The following EEA1 variants were observed in gnomAD, a reference collection of about 807,000 sequenced individuals.
EEA1 encodes early endosome antigen 1.
In EEA1, 111 loss-of-function variants were observed where a neutral mutation model predicts 209.2. The ratio of observed to expected loss-of-function variants is 0.53; its 90% CI spans 0.45 to 0.62. The LOEUF (loss-of-function observed/expected upper bound fraction) is 0.62. Among genes scored for constraint, EEA1 ranks in the 20% least tolerant of loss-of-function variants. The pLI is 0.00. For missense variants in EEA1, 1,343 were observed against 1,530.8 expected (o/e 0.88, Z 2.05); for synonymous variants, 536 against 540.6 (o/e 0.99, Z 0.12).
At chr12:92,912,053 T>C (rs1310409281) in intron 1 of EEA1, among the ~76,000 whole-genome samples, 2 of 152,210 alleles carry the variant, frequency 1.3e-5, no homozygotes, top group African/African-American at 2.4e-5. Context: ...TTAATATATG[T>C]AGAAGCAATG....
At chr12:92,792,275 G>A (rs987527386) in intron 21 of EEA1, among the ~76,000 whole-genome samples, 1 of 152,030 alleles carries the variant, frequency 6.6e-6, no homozygotes, top group African/African-American at 2.4e-5. Context: ...ACTAAGATCA[G>A]AGCAGAAATG....
At position 92,787,986 on chromosome 12, in the gene EEA1, T is replaced by C; in HGVS notation, c.3031A>G (p.Lys1011Glu). 6.2e-7 allele frequency: 1 copy of C among 1,613,112 alleles called. No homozygotes were observed. The highest frequency in any genetic ancestry group is 8.5e-7 in the Non-Finnish European group (1 of 1,179,544). ...TTTTGTAATACTGATATTTTCTCTTTCTCTGCTGCAAGTTCCTGGGCTGCC... is the reference window on the plus strand; with the variant it reads ...TTTTGTAATACTGATATTTTCTCTTCCTCTGCTGCAAGTTCCTGGGCTGCC... The part of the protein sequence containing the change: ...TQAAQELAAE[K>E]EKISVLQNNY... Residue 1011 changes from lysine to glutamate, a missense_variant, in exon 22 of 29, where the codon AAA becomes GAA. By Grantham distance (56) the Lys-to-Glu change is moderately conservative (BLOSUM62 1). Coordinates refer to ENST00000322349, the MANE Select transcript of EEA1 (RefSeq NM_003566.4).
chr12:92,925,436 G>A (rs968019318), intron 1 of EEA1, among the ~76,000 whole-genome samples: 3 of 152,066 alleles, frequency 2.0e-5, no homozygotes, highest in African/African-American at 4.8e-5. Context: ...AGCTGGTCTC[G>A]AACTCCTGAT....
At chr12:92,806,133 A>AT (rs1217790847) in intron 18 of EEA1, among the ~76,000 whole-genome samples, 9 of 152,326 alleles carry the variant, frequency 5.9e-5, no homozygotes, top group African/African-American at 2.2e-4. Flanking sequence ...TTTAAAAGCT[A>AT]TTAAAAAAAA....
intron 11 of EEA1, among the ~76,000 whole-genome samples, chr12:92,831,945 G>T (rs1226688682): frequency 6.6e-6 from 1 of 150,572 alleles, no homozygotes; most frequent in South Asian, 2.1e-4. Flanking sequence ...AAATTAGCCG[G>T]GCGCGGTGGC....
chr12:92,917,398 G>A (rs367667915), intron 1 of EEA1, among the ~76,000 whole-genome samples: 5,351 of 146,456 alleles, frequency 0.037, 116 homozygotes, highest in Middle Eastern at 0.091. Flanking sequence ...CGGATCTCTC[G>A]GCAGAAACCC....
In EEA1 at chr12:92,773,090, G is replaced by C. The variant is rs1176534244; in HGVS notation, c.*2921C>G. The C allele has an allele frequency of 6.6e-6, 1 of 152,014 alleles. No individual in the cohort carries two copies. The highest frequency in any genetic ancestry group is 1.5e-5 in the Non-Finnish European group (1 of 67,670). The allele number at this position is 152,014 out of a possible 1,614,324, so 9.4% of individuals were successfully genotyped here. The stretch of plus-strand genomic sequence containing the variant: ...GCTCATGTCTAGGAATACTATAATG[G>C]TGGCACATTTAAATCTTATGGATCA... On this transcript the variant is annotated 3_prime_UTR_variant, in exon 29 of 29. Transcript: ENST00000322349.
At chr12:92,780,711 T>C (rs897722488) in intron 23 of EEA1, among the ~76,000 whole-genome samples, 1 of 152,232 alleles carries the variant, frequency 6.6e-6, no homozygotes, top group African/African-American at 2.4e-5. Flanking sequence ...ATTTTATTAC[T>C]ATCACTATCT....
At chr12:92,879,201 AT>A (rs34766702) in intron 2 of EEA1, 9,200 of 232,888 alleles carry the variant, frequency 0.04, 1 homozygote, top group Non-Finnish European at 0.052. Flanking sequence ...TGGATTCTGG[AT>A]TTTTTTTTTT....
At chr12:92,902,480 C>A (rs748339794) in intron 1 of EEA1, among the ~76,000 whole-genome samples, 1 of 152,260 alleles carries the variant, frequency 6.6e-6, no homozygotes, top group South Asian at 2.1e-4. Context: ...CGATGGCTCA[C>A]GCCTGTAATC....
chr12:92,906,584 G>A (rs1047701824), intron 1 of EEA1, among the ~76,000 whole-genome samples: 2 of 152,120 alleles, frequency 1.3e-5, no homozygotes, highest in South Asian at 2.1e-4. Flanking sequence ...AGGCCGAGGC[G>A]GGCGGATCAC....
At position 92,819,472 on chromosome 12, in the gene EEA1, C is replaced by T; in HGVS notation, c.1564G>A (p.Asp522Asn). ...EQVLRQIGDK[D>N]QKIQNLEALL... ...GCTTCAAGGTTCTGGATCTTTTGGT[C>T]CTTATCGCCAATTTGACGTAGAACT... The change falls in exon 14 of 29, where the codon GAC becomes AAC. Residue 522 changes from aspartate (D) to asparagine (N), a missense_variant. By Grantham distance (23) the Asp-to-Asn change is conservative. Around this residue, in one of 3 missense-constraint regions of EEA1, gnomAD observed 1,307 missense variants for 1,465.5 expected, o/e 0.89. Coordinates refer to ENST00000322349, the MANE Select transcript of EEA1 (RefSeq NM_003566.4). The T allele has an allele frequency of 6.2e-7, 1 of 1,607,678 alleles. No homozygotes were observed. The highest frequency in any genetic ancestry group is 8.5e-7 in the Non-Finnish European group (1 of 1,177,588).
intron 21 of EEA1, among the ~76,000 whole-genome samples, chr12:92,790,275 G>A (rs1419022425): frequency 1.3e-5 from 2 of 152,212 alleles, no homozygotes; most frequent in Non-Finnish European, 2.9e-5. Context: ...GCTGGATGGA[G>A]AATAACTTTG....
In EEA1 at chr12:92,929,265, G is replaced by C; in HGVS notation, c.-199C>G. 1 of 408,336 alleles carries C rather than the reference G, an allele frequency of 2.4e-6. No homozygotes were observed. The allele number at this position is 408,336 out of a possible 1,614,324, so 25.3% of individuals were successfully genotyped here. On this transcript the variant is annotated 5_prime_UTR_variant, in exon 1 of 29. Coordinates refer to ENST00000322349, the MANE Select transcript of EEA1 (RefSeq NM_003566.4). ...AGAGGGAGCACGCGAGAGAGAGCGA[G>C]CGAACGACTAGGCAGCCTGCGAGCG...
At chr12:92,848,722 C>A (rs1435056893) in intron 9 of EEA1, among the ~76,000 whole-genome samples, 1 of 64,548 alleles carries the variant, frequency 1.5e-5, no homozygotes, top group South Asian at 8.1e-4. Context: ...ATATTCTCAC[C>A]TTTTTTTTTT....
At position 92,780,316 on chromosome 12, in the gene EEA1, G is replaced by A. The variant is rs139217230; in HGVS notation, c.3432C>T (p.Asn1144=). ...CTAGTTTGTGGGACTTGAGTTCTTC[G>A]TTTAGTTTAGTGATTTCTTTTTCTT... ...CRQEKEITKL[N]EELKSHKLES... Residue 1144 remains asparagine (N), a synonymous_variant, in exon 24 of 29, where the codon AAC becomes AAT. Transcript: ENST00000322349. 4.6e-5 allele frequency: 73 copies of A among 1,601,574 alleles called. No homozygotes were observed. Among genetic ancestry groups the A allele is most frequent in the African/African-American group, 3.9e-4 (29 of 73,878 alleles).
At chr12:92,778,987 C>T (rs1004568805) in intron 25 of EEA1, 128 bp downstream of exon 25, 9 of 740,698 alleles carry the variant, frequency 1.2e-5, no homozygotes, top group Non-Finnish European at 1.8e-5. Context: ...AATCAGATCT[C>T]CTTCCTTAAT....
chr12:92,856,244 C>A (rs892641469), intron 5 of EEA1, among the ~76,000 whole-genome samples: 1 of 152,034 alleles, frequency 6.6e-6, no homozygotes, highest in African/African-American at 2.4e-5. Context: ...GGTAAAACTT[C>A]GTTAATCTTT....
chr12:92,888,090 C>T (rs968022798), intron 2 of EEA1, among the ~76,000 whole-genome samples: 2 of 151,986 alleles, frequency 1.3e-5, no homozygotes, highest in Admixed American at 1.3e-4. Context: ...GTCTTCTCAA[C>T]AGTAACAATG....
Sources: gnomAD v4.1 joint callset for allele counts (sites outside exome capture counted in the v4.1 genomes callset) on GRCh38, gnomAD v4.1.1 for gene constraint, gnomAD v4.1.1 regional missense constraint, MANE v1.5 for transcripts, NCBI Gene and HGNC (gene_info 2026-07-23, HGNC 2026-07-21) for gene names.